The following PLA2G5 variants were observed in gnomAD, a reference collection of about 807,000 sequenced individuals.
The protein encoded by PLA2G5 is phospholipase A2 group V.
In PLA2G5, 12 loss-of-function variants were observed where a neutral mutation model predicts 15.9. The ratio of observed to expected loss-of-function variants is 0.76; its 90% CI spans 0.48 to 1.23. The LOEUF (loss-of-function observed/expected upper bound fraction) is 1.23, where lower values mean the gene tolerates loss of function less well. PLA2G5 is among the 50% of genes most tolerant of loss of function. The probability of loss-of-function intolerance (pLI) is 0.00; values close to 1 mark genes in which losing one functional copy is unlikely to be tolerated. For missense variants in PLA2G5, 169 were observed against 177.1 expected (o/e 0.95, Z 0.26); for synonymous variants, 71 against 71.4 (o/e 0.99, Z 0.03).
At chr1:20,070,579 TG>T in intron 1 of PLA2G5, 114 bp downstream of exon 1, 2 of 535,484 alleles carry the variant, frequency 3.7e-6, no homozygotes, top group South Asian at 1.6e-4. Flanking sequence ...CAGGGGGAGG[TG>T]CGCAGGCACA....
At chr1:20,076,362 A>G (rs1487661894) in intron 1 of PLA2G5, among the ~76,000 whole-genome samples, 1 of 152,152 alleles carries the variant, frequency 6.6e-6, no homozygotes, top group East Asian at 1.9e-4. Flanking sequence ...GAACCAACTT[A>G]ACCAACTGTA....
At chr1:20,064,848 A>C (rs1226885740) in intron 2 of PLA2G5, among the ~76,000 whole-genome samples, 2 of 152,128 alleles carry the variant, frequency 1.3e-5, no homozygotes, top group Non-Finnish European at 2.9e-5. Context: ...CTCCATGGGA[A>C]TCACCAGGGA....
Position 20,089,826 on chromosome 1 carries a change from G to T in PLA2G5, c.223G>T (p.Glu75Ter). 1 of 1,613,954 alleles carries T rather than the reference G, an allele frequency of 6.2e-7. No homozygotes were observed. ...WAHDHCYGRL[E>*]EKGCNIRTQS... ...GCATGACCACTGCTATGGGCGGCTGGAGGAGAAGGGCTGCAACATTCGCAC... is the reference window on the plus strand; with the variant it reads ...GCATGACCACTGCTATGGGCGGCTGTAGGAGAAGGGCTGCAACATTCGCAC... Residue 75 changes from glutamate (E) to a stop codon, truncating the protein, a stop_gained, in exon 4 of 5, where the codon GAG (glutamate) becomes TAG (stop). Transcript: ENST00000375108. LOFTEE classifies it high-confidence loss of function.
chr1:20,078,288 G>C (rs1386659858), intron 1 of PLA2G5, among the ~76,000 whole-genome samples: 1 of 152,194 alleles, frequency 6.6e-6, no homozygotes, highest in Non-Finnish European at 1.5e-5. Context: ...GGATGACGAA[G>C]GGCAGCCTTC....
intron 1 of PLA2G5, among the ~76,000 whole-genome samples, chr1:20,074,737 A>T (rs2015576976): frequency 6.6e-6 from 1 of 152,074 alleles, no homozygotes; most frequent in Admixed American, 6.5e-5. Context: ...TGTTAGAAAA[A>T]CGTTCTTGGA....
intron 2 of PLA2G5, 111 bp from the exon 3 acceptor site, chr1:20,085,972 G>A (rs1205555698): frequency 9.7e-7 from 1 of 1,025,808 alleles, no homozygotes; most frequent in Non-Finnish European, 1.4e-6. Context: ...AAAGAGACAT[G>A]CAGGTCCCTC....
intron 1 of PLA2G5, among the ~76,000 whole-genome samples, chr1:20,039,956 C>A (rs1446583414): frequency 6.6e-6 from 1 of 152,166 alleles, no homozygotes; most frequent in Non-Finnish European, 1.5e-5. Context: ...ATTCTCACCA[C>A]CAAACTATTC....
chr1:20,036,778 G>C (rs1189193064), intron 1 of PLA2G5, among the ~76,000 whole-genome samples: 1 of 152,100 alleles, frequency 6.6e-6, no homozygotes, highest in Non-Finnish European at 1.5e-5. Flanking sequence ...TGATTTTCCT[G>C]CCTCAGCCTC....
chr1:20,044,022 C>T (rs2013759420), intron 1 of PLA2G5, among the ~76,000 whole-genome samples: 1 of 152,152 alleles, frequency 6.6e-6, no homozygotes, highest in Non-Finnish European at 1.5e-5. Flanking sequence ...TTTAGGGGCT[C>T]TAGGAGTGGC....
At chr1:20,034,005 G>A (rs1437080266) in intron 1 of PLA2G5, among the ~76,000 whole-genome samples, 1 of 152,074 alleles carries the variant, frequency 6.6e-6, no homozygotes, top group Non-Finnish European at 1.5e-5. Context: ...GGTTGATTTG[G>A]GACGGCCAAA....
In PLA2G5 at chr1:20,090,587, T is replaced by C. The variant is rs149833360; in HGVS notation, c.312T>C (p.His104=). Residue 104 remains histidine (H), a synonymous_variant, in exon 5 of 5, where the codon CAT becomes CAC. Coordinates refer to ENST00000375108, the MANE Select transcript of PLA2G5 (RefSeq NM_000929.3). The part of the protein sequence containing the change: ...VVTCEPGPFC[H]VNLCACDRKL... The stretch of plus-strand genomic sequence containing the variant: ...TTGCAGAGCCCGGGCCCTTCTGCCA[T>C]GTGAACCTCTGTGCCTGTGACCGGA... 1.5e-3 allele frequency: 2,367 copies of C among 1,613,974 alleles called. 4 individuals carry two copies. Among genetic ancestry groups the C allele is most frequent in the Non-Finnish European group, 1.8e-3 (2,077 of 1,179,976 alleles).
At chr1:20,069,132 T>G, upstream of PLA2G5, 1 of 438,138 alleles carries the variant, frequency 2.3e-6, no homozygotes, top group South Asian at 1.6e-5. Flanking sequence ...AATTGACAAA[T>G]GTGATATTAT....
intron 1 of PLA2G5, among the ~76,000 whole-genome samples, chr1:20,038,732 T>C (rs968295447): frequency 6.6e-6 from 1 of 152,028 alleles, no homozygotes; most frequent in African/African-American, 2.4e-5. Context: ...TAGACTATGA[T>C]TGGACACTGC....
At chr1:20,044,543 A>G (rs1401563803) in intron 1 of PLA2G5, among the ~76,000 whole-genome samples, 4 of 152,186 alleles carry the variant, frequency 2.6e-5, no homozygotes, top group Admixed American at 2.6e-4. Context: ...TTGGGTTTTT[A>G]TATTTGATGA....
intron 1 of PLA2G5, among the ~76,000 whole-genome samples, chr1:20,039,941 A>G (rs575383770): frequency 6.6e-6 from 1 of 152,168 alleles, no homozygotes; most frequent in Non-Finnish European, 1.5e-5. Context: ...GATATTGTGG[A>G]ATGCATTCTC....
chr1:20,078,523 G>A (rs1258343825), intron 1 of PLA2G5, among the ~76,000 whole-genome samples: 2 of 152,124 alleles, frequency 1.3e-5, no homozygotes, highest in African/African-American at 4.8e-5. Flanking sequence ...CACCATCTGT[G>A]TTTACTTCTG....
At chr1:20,057,578 A>T (rs1212798022) in intron 1 of PLA2G5, among the ~76,000 whole-genome samples, 1 of 152,154 alleles carries the variant, frequency 6.6e-6, no homozygotes, top group Non-Finnish European at 1.5e-5. Context: ...GGCTCACTGC[A>T]ACGTCCACCT....
At chr1:20,079,298 C>T (rs577894223) in intron 1 of PLA2G5, among the ~76,000 whole-genome samples, 1 of 152,136 alleles carries the variant, frequency 6.6e-6, no homozygotes, top group South Asian at 2.1e-4. Context: ...TGCTATGGCT[C>T]TAAGTTATAA....
intron 2 of PLA2G5, among the ~76,000 whole-genome samples, chr1:20,059,984 C>T (rs1388364050): frequency 6.6e-6 from 1 of 152,062 alleles, no homozygotes; most frequent in Non-Finnish European, 1.5e-5. Flanking sequence ...TTTCCAGCAC[C>T]CCCAAGGATT....
Sources: gnomAD v4.1 joint callset for allele counts (sites outside exome capture counted in the v4.1 genomes callset) on GRCh38, gnomAD v4.1.1 for gene constraint, MANE v1.5 for transcripts, NCBI Gene and HGNC (gene_info 2026-07-23, HGNC 2026-07-21) for gene names.